Variants in DCDC2 observed in about 807,000 individuals in gnomAD.
DCDC2 encodes the protein doublecortin domain-containing protein 2.
In DCDC2, 40 loss-of-function variants were observed where a neutral mutation model predicts 50.2. The observed-to-expected ratio is 0.80, with a 90% CI of 0.62 to 1.04. The LOEUF (loss-of-function observed/expected upper bound fraction) is 1.04, where lower values mean the gene tolerates loss of function less well. Ranked by LOEUF, DCDC2 falls within the 50% of genes least tolerant of loss-of-function variation. DCDC2 has a pLI of 0.00. For missense variants in DCDC2, 570 were observed against 581.9 expected (o/e 0.98, Z 0.21); for synonymous variants, 234 against 210.6 (o/e 1.11, Z -0.96).
At chr6:24,356,457 C>T (rs776357254) in intron 1 of DCDC2, among the ~76,000 whole-genome samples, 1 of 151,970 alleles carries the variant, frequency 6.6e-6, no homozygotes, top group Non-Finnish European at 1.5e-5. Flanking sequence ...TGGAAATGAA[C>T]TACAATTAGT....
intron 7 of DCDC2, among the ~76,000 whole-genome samples, chr6:24,218,044 C>T (rs536336679): frequency 6.6e-6 from 1 of 151,812 alleles, no homozygotes; most frequent in Non-Finnish European, 1.5e-5. Context: ...TTAAGCAATT[C>T]TATTGGACTC....
chr6:24,302,324 G>A (rs1759396946), intron 2 of DCDC2, among the ~76,000 whole-genome samples: 1 of 149,210 alleles, frequency 6.7e-6, no homozygotes, highest in South Asian at 2.1e-4. Flanking sequence ...ATCATTTTCT[G>A]TTACGAAAAT....
intron 2 of DCDC2, among the ~76,000 whole-genome samples, chr6:24,340,087 T>C (rs564736147): frequency 6.6e-6 from 1 of 152,302 alleles, no homozygotes; most frequent in African/African-American, 2.4e-5. Flanking sequence ...ATATACATGT[T>C]CATGCAGAGA....
intron 9 of DCDC2, among the ~76,000 whole-genome samples, chr6:24,177,763 T>G (rs1195433671): frequency 6.6e-6 from 1 of 152,226 alleles, no homozygotes; most frequent in Non-Finnish European, 1.5e-5. Flanking sequence ...CACCACATAT[T>G]TCTTTATCCT....
chr6:24,359,925 A>T (rs946453022), upstream of DCDC2, among the ~76,000 whole-genome samples: 1 of 152,140 alleles, frequency 6.6e-6, no homozygotes, highest in African/African-American at 2.4e-5. Context: ...CTGGTTGGGG[A>T]GGCGGGCCCA....
intron 5 of DCDC2, among the ~76,000 whole-genome samples, chr6:24,290,534 AAC>A (rs561362650): frequency 2.0e-5 from 3 of 152,312 alleles, no homozygotes; most frequent in African/African-American, 7.2e-5. Flanking sequence ...TGAGTTTTTT[AAC>A]ACTCTTGGAT....
At chr6:24,317,266 C>A (rs752451436) in intron 2 of DCDC2, among the ~76,000 whole-genome samples, 1 of 151,860 alleles carries the variant, frequency 6.6e-6, no homozygotes, top group Admixed American at 6.6e-5. Context: ...TTAATTTTAG[C>A]AGGGTGGTAC....
At chr6:24,358,732 T>A (rs1320903356), upstream of DCDC2, among the ~76,000 whole-genome samples, 191 of 13,388 alleles carry the variant, frequency 0.014, 5 homozygotes, top group African/African-American at 0.035. Flanking sequence ...ATATTTTATT[T>A]TATATATATT....
intron 5 of DCDC2, among the ~76,000 whole-genome samples, chr6:24,289,951 C>A (rs1763702936): frequency 7.0e-6 from 1 of 142,608 alleles, no homozygotes; most frequent in East Asian, 2.1e-4. Flanking sequence ...AGAGATCCTG[C>A]AGCATGGGCC....
chr6:24,369,639 G>A, the DCDC2 span, among the ~76,000 whole-genome samples: 9 of 151,946 alleles, frequency 5.9e-5, no homozygotes, highest in African/African-American at 9.7e-5. Flanking sequence ...TGAGTGTAAC[G>A]GCCAAACTGA....
intron 2 of DCDC2, among the ~76,000 whole-genome samples, chr6:24,349,971 TG>T (rs1467824643): frequency 3.3e-5 from 5 of 152,156 alleles, no homozygotes; most frequent in Non-Finnish European, 7.3e-5. Context: ...TTTATTCTTC[TG>T]TTTCTTTATT....
intron 9 of DCDC2, among the ~76,000 whole-genome samples, chr6:24,176,326 CAA>C (rs34673398): frequency 6.7e-4 from 101 of 149,990 alleles, no homozygotes; most frequent in African/African-American, 2.2e-3. Context: ...GATGTTGTCT[CAA>C]AAAAAAAAAT....
chr6:24,374,862 C>T, the DCDC2 span, among the ~76,000 whole-genome samples: 2 of 152,128 alleles, frequency 1.3e-5, no homozygotes, highest in Non-Finnish European at 2.9e-5. Context: ...ATCGCTCAGC[C>T]CCATCGGGAG....
chr6:24,269,556 G>A (rs1236776832), intron 7 of DCDC2, among the ~76,000 whole-genome samples: 1 of 152,134 alleles, frequency 6.6e-6, no homozygotes, highest in African/African-American at 2.4e-5. Context: ...AAGGGGTGGA[G>A]TACATGGTAG....
At chr6:24,266,129 C>T (rs868565832) in intron 7 of DCDC2, among the ~76,000 whole-genome samples, 6 of 152,076 alleles carry the variant, frequency 3.9e-5, no homozygotes, top group African/African-American at 9.7e-5. Flanking sequence ...GCTGGGAAAA[C>T]TGGATATCCA....
chr6:24,250,097 G>A (rs1762766788), intron 7 of DCDC2, among the ~76,000 whole-genome samples: 2 of 152,000 alleles, frequency 1.3e-5, no homozygotes, highest in South Asian at 2.1e-4. Context: ...CCCGGGTCCC[G>A]GCAGCCTCCC....
At chr6:24,330,877 T>C (rs1036608121) in intron 2 of DCDC2, among the ~76,000 whole-genome samples, 4 of 152,228 alleles carry the variant, frequency 2.6e-5, no homozygotes, top group Non-Finnish European at 5.9e-5. Flanking sequence ...AAGGCTTAAA[T>C]TGCAGTTTTA....
At chr6:24,362,250 AT>A (rs1760677040), upstream of DCDC2, among the ~76,000 whole-genome samples, 1 of 141,708 alleles carries the variant, frequency 7.1e-6, no homozygotes, top group Non-Finnish European at 1.5e-5. Context: ...TTAATTGTAT[AT>A]TTATACAATT....
At position 24,205,059 on chromosome 6, in the gene DCDC2, C is replaced by T. The variant is rs1251984015; in HGVS notation, c.966G>A (p.Arg322=). The T allele has an allele frequency of 6.2e-7, 1 of 1,614,112 alleles. No individual in the cohort carries two copies. Among genetic ancestry groups the T allele is most frequent in the South Asian group, 1.1e-5 (1 of 91,078 alleles). ...FKAGAERSET[R]GAAEVQEDED... is the part of the protein sequence containing the mutation. ...CATCTTCTTGGACTTCTGCTGCCCC[C>T]CGTGTTTCAGACCTCTCTGCTCCAG... Residue 322 remains arginine, a synonymous_variant, in exon 8 of 10, where the codon CGG becomes CGA. Coordinates refer to ENST00000378454, the MANE Select transcript of DCDC2 (RefSeq NM_016356.5).
Sources: gnomAD v4.1 joint callset for allele counts (sites outside exome capture counted in the v4.1 genomes callset) on GRCh38, gnomAD v4.1.1 for gene constraint, MANE v1.5 for transcripts, NCBI Gene and HGNC (gene_info 2026-07-23, HGNC 2026-07-21) for gene names.